Variants in ULK4 observed in about 807,000 individuals in gnomAD.
The protein encoded by ULK4 is unc-51 like kinase 4, also known as inactive serine/threonine-protein kinase ULK4.
In ULK4, 133 loss-of-function variants were observed where a neutral mutation model predicts 160.6. That is an observed-to-expected ratio of 0.83 (90% CI 0.72 to 0.96). ULK4 has a LOEUF of 0.96. Among genes scored for constraint, ULK4 ranks in the 40% least tolerant of loss-of-function variants. The pLI is 0.00. For synonymous variants in ULK4, 534 were observed against 539.8 expected (o/e 0.99, Z 0.15); for missense variants, 1,580 against 1,499.5 (o/e 1.05, Z -0.89).
At chr3:41,926,724 T>C (rs1046137678) in intron 5 of ULK4, among the ~76,000 whole-genome samples, 3 of 151,826 alleles carry the variant, frequency 2.0e-5, no homozygotes, top group East Asian at 1.9e-4. Flanking sequence ...AATAGCCAAA[T>C]AGATCAAGTG....
At chr3:41,912,745 A>C in intron 9 of ULK4, 62 bp downstream of exon 9, 1 of 1,399,792 alleles carries the variant, frequency 7.1e-7, no homozygotes, top group South Asian at 1.2e-5. Context: ...GTATATTTAG[A>C]ACAGTAATGG....
intron 31 of ULK4, among the ~76,000 whole-genome samples, chr3:41,599,506 A>G (rs570984158): frequency 6.6e-6 from 1 of 151,990 alleles, no homozygotes; most frequent in Non-Finnish European, 1.5e-5. Context: ...TGAAAATCAC[A>G]TCACAGGAGA....
At chr3:41,944,172 C>T (rs889904469) in intron 2 of ULK4, among the ~76,000 whole-genome samples, 1 of 152,186 alleles carries the variant, frequency 6.6e-6, no homozygotes, top group Non-Finnish European at 1.5e-5. Flanking sequence ...GTGACAGTGG[C>T]CATCCAGCAA....
At chr3:41,529,158 T>C (rs941091241) in intron 32 of ULK4, among the ~76,000 whole-genome samples, 1 of 152,222 alleles carries the variant, frequency 6.6e-6, no homozygotes, top group African/African-American at 2.4e-5. Flanking sequence ...TAACTTCATG[T>C]CAAATTCAAG....
At chr3:41,249,868 G>GT (rs1358918558) in intron 35 of ULK4, among the ~76,000 whole-genome samples, 1 of 152,204 alleles carries the variant, frequency 6.6e-6, no homozygotes, top group Non-Finnish European at 1.5e-5. Context: ...TCTCAGGAGA[G>GT]TTTGTGTCTG....
chr3:41,759,708 T>C (rs1340018721), intron 21 of ULK4, among the ~76,000 whole-genome samples: 1 of 152,022 alleles, frequency 6.6e-6, no homozygotes, highest in African/African-American at 2.4e-5. Flanking sequence ...AATTGCACAA[T>C]AATTTTAAGA....
At chr3:41,566,944 G>C (rs1176875500) in intron 31 of ULK4, among the ~76,000 whole-genome samples, 1 of 152,162 alleles carries the variant, frequency 6.6e-6, no homozygotes, top group Non-Finnish European at 1.5e-5. Flanking sequence ...ATGTAAGGTA[G>C]TACTCCTCAC....
intron 34 of ULK4, among the ~76,000 whole-genome samples, chr3:41,420,780 C>A (rs116430673): frequency 1.3e-5 from 2 of 150,606 alleles, no homozygotes; most frequent in Non-Finnish European, 2.9e-5. Context: ...CCACCGTGCC[C>A]GGCCTGGTTC....
chr3:41,646,896 T>A (rs961781851), intron 30 of ULK4, among the ~76,000 whole-genome samples: 9 of 152,208 alleles, frequency 5.9e-5, no homozygotes, highest in African/African-American at 2.2e-4. Flanking sequence ...TCATTTCTTT[T>A]TATTCATTTT....
intron 32 of ULK4, among the ~76,000 whole-genome samples, chr3:41,534,426 T>TA (rs1372691602): frequency 6.6e-6 from 1 of 151,332 alleles, no homozygotes; most frequent in Non-Finnish European, 1.5e-5. Context: ...CTTAAAATGT[T>TA]AATAATGGAT....
intron 34 of ULK4, among the ~76,000 whole-genome samples, chr3:41,404,674 A>C (rs1160181384): frequency 6.6e-6 from 1 of 152,178 alleles, no homozygotes. Flanking sequence ...GAGGGAGTAG[A>C]GTCATTATCA....
chr3:41,659,310 C>A (rs1056161362), intron 30 of ULK4, among the ~76,000 whole-genome samples: 2 of 152,090 alleles, frequency 1.3e-5, no homozygotes, highest in African/African-American at 2.4e-5. Flanking sequence ...AAATACGGAA[C>A]CCAGACTTTG....
At chr3:41,333,671 A>G (rs2080493497) in intron 35 of ULK4, among the ~76,000 whole-genome samples, 1 of 151,304 alleles carries the variant, frequency 6.6e-6, no homozygotes, top group Non-Finnish European at 1.5e-5. Context: ...CAAGAGTTGA[A>G]CAGAGCTGTT....
chr3:41,823,566 G>C (rs531637045), intron 18 of ULK4, among the ~76,000 whole-genome samples: 313 of 152,300 alleles, frequency 2.1e-3, no homozygotes, highest in African/African-American at 7.2e-3. Context: ...CTGGTCTTCT[G>C]TCTGTAAGCC....
chr3:41,584,004 T>G (rs1457786077), intron 31 of ULK4, among the ~76,000 whole-genome samples: 1 of 152,184 alleles, frequency 6.6e-6, no homozygotes, highest in Non-Finnish European at 1.5e-5. Context: ...AGTGTCATGA[T>G]GAGAAGGCTA....
At chr3:41,321,149 C>T (rs541023165) in intron 35 of ULK4, among the ~76,000 whole-genome samples, 3 of 152,020 alleles carry the variant, frequency 2.0e-5, no homozygotes, top group South Asian at 2.1e-4. Flanking sequence ...TTTCTATTAA[C>T]GACCTCAGGG....
At chr3:41,420,607 C>T (rs1439350629) in intron 34 of ULK4, among the ~76,000 whole-genome samples, 6 of 150,152 alleles carry the variant, frequency 4.0e-5, no homozygotes, top group South Asian at 2.1e-4. Flanking sequence ...CTTGGCCTCC[C>T]GAGCAGCTGA....
rs184025856 is a variant in ULK4, at chr3:41,886,723, G to A, written c.1578-2771C>T. ...CCCCAGTAGCTGGGATTACAGGCAC[G>A]CACCACCATGCCCAGCTCATTTTTG... On this transcript the variant is annotated intron_variant, in intron 16 of 36. Coordinates refer to ENST00000301831, the MANE Select transcript of ULK4 (RefSeq NM_017886.4). Among the ~76,000 whole-genome samples the A allele has an allele frequency of 3.1e-3, 476 of 151,950 alleles. 1 individual carries two copies. The highest frequency in any genetic ancestry group is 0.011 in the African/African-American group (452 of 41,422).
intron 20 of ULK4, among the ~76,000 whole-genome samples, chr3:41,790,697 G>A (rs1387207057): frequency 6.6e-6 from 1 of 152,186 alleles, no homozygotes; most frequent in Admixed American, 6.5e-5. Context: ...CATTTATCAG[G>A]TGTAGAAAAA....
Sources: gnomAD v4.1 joint callset for allele counts (sites outside exome capture counted in the v4.1 genomes callset) on GRCh38, gnomAD v4.1.1 for gene constraint, MANE v1.5 for transcripts, NCBI Gene and HGNC (gene_info 2026-07-23, HGNC 2026-07-21) for gene names.